The following SEPTIN11 variants were observed in gnomAD, a reference collection of about 807,000 sequenced individuals.
SEPTIN11 encodes septin-11.
SEPTIN11 carries 25 observed loss-of-function variants against 51.4 expected under a neutral mutation model. The observed-to-expected ratio is 0.49, with a 90% CI of 0.35 to 0.68. SEPTIN11 has a LOEUF of 0.68. SEPTIN11 is among the 30% of genes least tolerant of loss of function. The pLI, the probability that SEPTIN11 is intolerant of heterozygous loss-of-function variation, is 0.00. For synonymous variants in SEPTIN11, 174 were observed against 184.1 expected (o/e 0.95, Z 0.44); for missense variants, 381 against 520.8 (o/e 0.73, Z 2.61).
intron 1 of SEPTIN11, among the ~76,000 whole-genome samples, chr4:76,954,741 C>T (rs1005562183): frequency 6.6e-6 from 1 of 152,194 alleles, no homozygotes; most frequent in African/African-American, 2.4e-5. Flanking sequence ...TTTTTAGGAT[C>T]GACGCCAATG....
At chr4:77,000,161 A>G (rs2279711) in intron 2 of SEPTIN11, among the ~76,000 whole-genome samples, 3,666 of 152,346 alleles carry the variant, frequency 0.024, 76 homozygotes, top group East Asian at 0.11. Context: ...GTAGAGTCAA[A>G]GTAAATTAGT....
At chr4:76,972,889 C>T (rs1320118640) in intron 1 of SEPTIN11, 1 of 152,120 alleles carries the variant, frequency 6.6e-6, no homozygotes. Context: ...GAGTAGATGC[C>T]ATAATTATGC....
chr4:76,987,991 T>A (rs899766035), intron 1 of SEPTIN11: 1 of 190,752 alleles, frequency 5.2e-6, no homozygotes, highest in Non-Finnish European at 9.7e-6. Context: ...CTCAGCTCTC[T>A]TTAAAATTGG....
At chr4:76,979,455 T>C (rs1412915663) in intron 1 of SEPTIN11, among the ~76,000 whole-genome samples, 1 of 152,188 alleles carries the variant, frequency 6.6e-6, no homozygotes, top group African/African-American at 2.4e-5. Flanking sequence ...TGGGCGGTGG[T>C]GGACTTAGAA....
intron 4 of SEPTIN11, 54 bp downstream of exon 4, chr4:77,011,975 C>A: frequency 1.4e-6 from 2 of 1,476,926 alleles, no homozygotes; most frequent in South Asian, 1.2e-5. Flanking sequence ...CTTCTTTATC[C>A]TAATGCCCTA....
At position 76,949,794 on chromosome 4, in the gene SEPTIN11, G is replaced by C; in HGVS notation, c.-110G>C. On this transcript the variant is annotated 5_prime_UTR_variant, in exon 1 of 10. Coordinates refer to ENST00000264893, the MANE Select transcript of SEPTIN11 (RefSeq NM_018243.4). ...TGCCAGCGGGACGCCGGCGAGCAGAGCGCAGCCGCGAGGGAGGCGCGAGGG... is the reference window on the plus strand; with the variant it reads ...TGCCAGCGGGACGCCGGCGAGCAGACCGCAGCCGCGAGGGAGGCGCGAGGG... The C allele has an allele frequency of 8.1e-7, 1 of 1,233,884 alleles. No individual in the cohort carries two copies. The highest frequency in any genetic ancestry group is 1.1e-6 in the Non-Finnish European group (1 of 895,386). 76.4% of individuals were successfully genotyped at this position (1,233,884 alleles called of 1,614,324 possible).
At chr4:76,990,195 C>T (rs773296639) in intron 1 of SEPTIN11, among the ~76,000 whole-genome samples, 3 of 152,086 alleles carry the variant, frequency 2.0e-5, no homozygotes, top group Non-Finnish European at 2.9e-5. Flanking sequence ...CTGATTGGTG[C>T]GTTTTACAGA....
At chr4:76,990,394 C>T (rs757295109) in intron 1 of SEPTIN11, among the ~76,000 whole-genome samples, 13 of 152,150 alleles carry the variant, frequency 8.5e-5, no homozygotes, top group Non-Finnish European at 1.5e-4. Context: ...GCTGGCTTCA[C>T]GTCTCACAAG....
chr4:77,022,903 T>C (rs2109974294), intron 7 of SEPTIN11, among the ~76,000 whole-genome samples: 1 of 143,504 alleles, frequency 7.0e-6, no homozygotes, highest in South Asian at 2.1e-4. Context: ...TCCACCATCT[T>C]GACTGGGTTC....
At chr4:76,954,563 G>T (rs1447329831) in intron 1 of SEPTIN11, among the ~76,000 whole-genome samples, 1 of 152,198 alleles carries the variant, frequency 6.6e-6, no homozygotes, top group East Asian at 1.9e-4. Flanking sequence ...CAATGCAGCA[G>T]CTGTTGAACA....
chr4:76,978,508 G>T (rs1289458524), intron 1 of SEPTIN11, among the ~76,000 whole-genome samples: 1 of 152,108 alleles, frequency 6.6e-6, no homozygotes, highest in Non-Finnish European at 1.5e-5. Context: ...CTCTACTAAT[G>T]TAGTGGCCTG....
chr4:76,970,521 C>T (rs1722196698), intron 1 of SEPTIN11, among the ~76,000 whole-genome samples: 1 of 152,168 alleles, frequency 6.6e-6, no homozygotes, highest in Non-Finnish European at 1.5e-5. Flanking sequence ...TCCAGGAATT[C>T]TTACAGTTAT....
At position 77,035,908 on chromosome 4, in the gene SEPTIN11, T is replaced by C; in HGVS notation, c.*1396T>C. 1.0e-6 allele frequency: 1 copy of C among 985,946 alleles called. No homozygotes were observed. The highest frequency in any genetic ancestry group is 1.2e-6 in the Non-Finnish European group (1 of 829,964). 61.1% of individuals were successfully genotyped at this position (985,946 alleles called of 1,614,324 possible). ...CTAACAAGATCCTCCCAGCTTTCTCTCTACATGTAGAAAGGATAACATTTC... is the reference window on the plus strand; with the variant it reads ...CTAACAAGATCCTCCCAGCTTTCTCCCTACATGTAGAAAGGATAACATTTC... On this transcript the variant is annotated 3_prime_UTR_variant, in exon 10 of 10. Transcript: ENST00000264893.
intron 1 of SEPTIN11, among the ~76,000 whole-genome samples, chr4:76,967,888 C>T (rs972914416): frequency 1.2e-4 from 18 of 152,072 alleles, no homozygotes; most frequent in African/African-American, 3.9e-4. Flanking sequence ...TGGTTGAGGA[C>T]AACATCAACA....
chr4:76,957,890 T>G (rs1721633775), intron 1 of SEPTIN11, among the ~76,000 whole-genome samples: 1 of 152,212 alleles, frequency 6.6e-6, no homozygotes, highest in Admixed American at 6.5e-5. Flanking sequence ...CCACCTTTCC[T>G]TAAGTTACCT....
chr4:77,039,385 G>A, downstream of SEPTIN11: 1 of 1,074,150 alleles, frequency 9.3e-7, no homozygotes, highest in Non-Finnish European at 1.1e-6. Context: ...TCTTGTGCTG[G>A]GATCCCCTTG....
chr4:76,972,713 G>A (rs1186480346), intron 1 of SEPTIN11: 1 of 152,120 alleles, frequency 6.6e-6, no homozygotes, highest in East Asian at 1.9e-4. Flanking sequence ...TTGCTGTTTT[G>A]GGGGAGATAT....
chr4:77,005,520 C>A, intron 2 of SEPTIN11, 81 bp from the exon 3 acceptor site: 1 of 1,244,600 alleles, frequency 8.0e-7, no homozygotes, highest in South Asian at 1.5e-5. Context: ...ATAATCATGA[C>A]TAATAAAAAA....
intron 1 of SEPTIN11, among the ~76,000 whole-genome samples, chr4:76,973,887 C>T (rs995338886): frequency 6.6e-6 from 1 of 152,192 alleles, no homozygotes; most frequent in African/African-American, 2.4e-5. Context: ...ATGTAAAGCA[C>T]TAAGCCACTA....
Sources: allele counts gnomAD v4.1 joint callset (sites outside exome capture counted in the v4.1 genomes callset), GRCh38; gene constraint gnomAD v4.1.1; transcripts MANE v1.5; gene names NCBI Gene and HGNC (gene_info 2026-07-23, HGNC 2026-07-21).